GAB1: variants seen among roughly 807,000 people sequenced by gnomAD.
GAB1 encodes GRB2-associated-binding protein 1.
In GAB1, 19 loss-of-function variants were observed where a neutral mutation model predicts 66.5. That is an observed-to-expected ratio of 0.29 (90% CI 0.20 to 0.42). The LOEUF is 0.42. Among genes scored for constraint, GAB1 ranks in the 10% least tolerant of loss-of-function variants. The pLI is 1.00. For synonymous variants in GAB1, 294 were observed against 301.4 expected (o/e 0.98, Z 0.25); for missense variants, 732 against 858.5 (o/e 0.85, Z 1.84).
intron 1 of GAB1, among the ~76,000 whole-genome samples, chr4:143,340,154 C>T (rs146208831): frequency 6.6e-6 from 1 of 152,248 alleles, no homozygotes; most frequent in Admixed American, 6.5e-5. Context: ...GCTAAAGTAG[C>T]TTTGACCATC....
At position 143,438,001 on chromosome 4, in the gene GAB1, C is replaced by T. The variant is rs780926544; in HGVS notation, c.596C>T (p.Thr199Met). ...CQSKKPEPTRTHADSAKSTSS... is the reference protein window; with the variant it reads ...CQSKKPEPTRMHADSAKSTSS... The stretch of plus-strand genomic sequence containing the variant: ...TGTCATTAACAATTTTTATTTAGAA[C>T]GCATGCTGATTCTGCAAAATCCACC... The change falls in exon 4 of 10, where the codon ACG becomes ATG. Residue 199 changes from threonine to methionine, a missense_variant and splice_region_variant. By Grantham distance (81) the Thr-to-Met change is moderately conservative. Coordinates refer to ENST00000262994, the MANE Select transcript of GAB1 (RefSeq NM_002039.4). 81 of 1,608,958 alleles carry T rather than the reference C, an allele frequency of 5.0e-5. 1 individual carries two copies. The highest frequency in any genetic ancestry group is 5.0e-4 in the South Asian group (45 of 90,428).
chr4:143,349,982 C>T (rs1355265043), intron 1 of GAB1: 23 of 1,586,282 alleles, frequency 1.4e-5, no homozygotes, highest in African/African-American at 4.0e-5. Flanking sequence ...GGCATCCACT[C>T]CTTATCCTCG....
intron 1 of GAB1, among the ~76,000 whole-genome samples, chr4:143,370,724 G>C (rs1730084178): frequency 6.6e-6 from 1 of 152,042 alleles, no homozygotes; most frequent in African/African-American, 2.4e-5. Flanking sequence ...ACAGGCCCCG[G>C]GGTGTGATGT....
chr4:143,400,705 C>T (rs943388471), intron 1 of GAB1, among the ~76,000 whole-genome samples: 7 of 152,148 alleles, frequency 4.6e-5, no homozygotes, highest in African/African-American at 1.2e-4. Context: ...CGATGGCTCA[C>T]GTCTGTAATC....
chr4:143,413,093 G>A (rs960738812), intron 1 of GAB1, among the ~76,000 whole-genome samples: 9 of 152,102 alleles, frequency 5.9e-5, no homozygotes, highest in African/African-American at 2.2e-4. Context: ...AGACAATAAA[G>A]TTTTAAAAAG....
intron 2 of GAB1, among the ~76,000 whole-genome samples, chr4:143,421,302 G>A (rs1374349131): frequency 6.6e-6 from 1 of 152,106 alleles, no homozygotes; most frequent in Non-Finnish European, 1.5e-5. Flanking sequence ...CTATTCTAGT[G>A]TTGATTGATG....
At chr4:143,349,493 A>G in intron 1 of GAB1, 4 of 1,527,168 alleles carry the variant, frequency 2.6e-6, no homozygotes, top group Non-Finnish European at 3.6e-6. Context: ...GGGGTGTAGC[A>G]GTCATCGATA....
chr4:143,459,576 G>T, intron 7 of GAB1, 98 bp downstream of exon 7: 1 of 794,310 alleles, frequency 1.3e-6, no homozygotes, highest in Non-Finnish European at 2.2e-6. Context: ...GGTTCTCAAT[G>T]GATGATCTGA....
chr4:143,447,156 C>G (rs574523213), intron 6 of GAB1, among the ~76,000 whole-genome samples: 12 of 151,984 alleles, frequency 7.9e-5, no homozygotes, highest in Admixed American at 2.6e-4. Context: ...TGATCTATAT[C>G]TCTGTTTTGG....
chr4:143,370,384 T>C (rs1730067793), intron 1 of GAB1, among the ~76,000 whole-genome samples: 2 of 152,252 alleles, frequency 1.3e-5, no homozygotes, highest in South Asian at 4.2e-4. Context: ...CCCTTTTGAC[T>C]AAACACAACC....
At chr4:143,378,388 G>A (rs1406868981) in intron 1 of GAB1, among the ~76,000 whole-genome samples, 1 of 152,162 alleles carries the variant, frequency 6.6e-6, no homozygotes, top group Non-Finnish European at 1.5e-5. Context: ...AAGGTGATTT[G>A]CAAACTGTAA....
intron 1 of GAB1, among the ~76,000 whole-genome samples, chr4:143,387,226 G>C (rs1380224408): frequency 6.6e-6 from 1 of 152,146 alleles, no homozygotes; most frequent in Non-Finnish European, 1.5e-5. Flanking sequence ...CTGCCTCCTG[G>C]GTTCAAGCAA....
chr4:143,348,046 G>C (rs1729045720), intron 1 of GAB1, among the ~76,000 whole-genome samples: 1 of 152,114 alleles, frequency 6.6e-6, no homozygotes, highest in African/African-American at 2.4e-5. Flanking sequence ...GCCCTGGTTG[G>C]TCTCCTCCTC....
In GAB1 at chr4:143,405,122, C is replaced by T. The variant is rs572473365; in HGVS notation, c.73-10355C>T. 2.0e-5 allele frequency among the ~76,000 whole-genome samples: 3 copies of T among 152,268 alleles called. No individual in the cohort carries two copies. In the South Asian group the frequency reaches 6.2e-4, roughly 32 times the overall value. On this transcript the variant is annotated intron_variant, in intron 1 of 9. Coordinates refer to ENST00000262994, the MANE Select transcript of GAB1 (RefSeq NM_002039.4). ...TCAAATGGACATTGACATTATACTT[C>T]ATAGCATATGCCATTTTGTTCTTAT... is the stretch of plus-strand genomic sequence containing the variant.
chr4:143,361,374 G>A (rs1729655678), intron 1 of GAB1, among the ~76,000 whole-genome samples: 1 of 152,034 alleles, frequency 6.6e-6, no homozygotes, highest in South Asian at 2.1e-4. Flanking sequence ...TACTCTTACT[G>A]GGGAGATCTC....
At chr4:143,346,423 C>G (rs1257653165) in intron 1 of GAB1, among the ~76,000 whole-genome samples, 2 of 152,240 alleles carry the variant, frequency 1.3e-5, no homozygotes, top group Non-Finnish European at 2.9e-5. Flanking sequence ...CTTCCCAGTT[C>G]CAGTCCTTAG....
chr4:143,395,253 G>A (rs1384137790), intron 1 of GAB1: 1 of 152,202 alleles, frequency 6.6e-6, no homozygotes, highest in Non-Finnish European at 1.5e-5. Context: ...GTTTGCTGAG[G>A]TAGACAGTTT....
chr4:143,445,554 T>C (rs572669584), intron 6 of GAB1, among the ~76,000 whole-genome samples: 1 of 152,320 alleles, frequency 6.6e-6, no homozygotes, highest in Admixed American at 6.5e-5. Context: ...TTTACTCTGT[T>C]GATAGTTTCT....
chr4:143,457,700 A>G, intron 6 of GAB1: 1 of 1,551,366 alleles, frequency 6.4e-7, no homozygotes, highest in Non-Finnish European at 8.6e-7. Flanking sequence ...TAAAATTTTA[A>G]GACTCAAACC....
Sources: allele counts gnomAD v4.1 joint callset (sites outside exome capture counted in the v4.1 genomes callset), GRCh38; gene constraint gnomAD v4.1.1; transcripts MANE v1.5; gene names NCBI Gene and HGNC (gene_info 2026-07-23, HGNC 2026-07-21).